ADHFE1: variants seen among roughly 807,000 people sequenced by gnomAD.
The protein encoded by ADHFE1 is alcohol dehydrogenase iron containing 1.
ADHFE1 carries 37 observed loss-of-function variants against 54.8 expected under a neutral mutation model. The observed-to-expected ratio is 0.68, with a 90% CI of 0.52 to 0.89. The LOEUF is 0.89. ADHFE1 is among the 40% of genes least tolerant of loss of function. ADHFE1 has a pLI of 0.00. For missense variants in ADHFE1, 601 were observed against 591.2 expected (o/e 1.02, Z -0.17); for synonymous variants, 203 against 229.3 (o/e 0.89, Z 1.04).
At chr8:66,437,534 A>T (rs866780646) in intron 1 of ADHFE1, among the ~76,000 whole-genome samples, 3 of 148,282 alleles carry the variant, frequency 2.0e-5, no homozygotes, top group Non-Finnish European at 4.5e-5. Context: ...GGGAACCCAC[A>T]GCCTGCCCCC....
rs1806449105 is a variant in ADHFE1, at chr8:66,454,078, G to T, written c.907G>T (p.Asp303Tyr). The change falls in exon 10 of 14, where the codon GAT (aspartate) becomes TAT (tyrosine). Residue 303 changes from aspartate (D) to tyrosine (Y), a missense_variant. Coordinates refer to ENST00000396623, the MANE Select transcript of ADHFE1 (RefSeq NM_144650.3). ...TCACAGGGCTGTCAGAAATCCCGAT[G>T]ATCTTGAAGCAAGGTCTCATATGCA... is the stretch of plus-strand genomic sequence containing the variant. ...YLKRAVRNPDDLEARSHMHLA... is the reference protein window; with the variant it reads ...YLKRAVRNPDYLEARSHMHLA... 6.2e-7 allele frequency: 1 copy of T among 1,613,918 alleles called. No homozygotes were observed. The highest frequency in any genetic ancestry group is 1.1e-5 in the South Asian group (1 of 91,036).
intron 2 of ADHFE1, among the ~76,000 whole-genome samples, chr8:66,442,454 G>A (rs1033643881): frequency 2.5e-4 from 38 of 151,802 alleles, no homozygotes; most frequent in African/African-American, 7.8e-4. Flanking sequence ...CGGACTACAG[G>A]CGCTCGCCAC....
At chr8:66,460,146 C>T in intron 12 of ADHFE1, 162 bp from the exon 13 acceptor site, 1 of 832,836 alleles carries the variant, frequency 1.2e-6, no homozygotes, top group African/African-American at 1.7e-5. Flanking sequence ...GTGAGCTCCC[C>T]CAGCCAACTT....
At chr8:66,456,684 C>G (rs1196374260) in intron 10 of ADHFE1, 133 bp from the exon 11 acceptor site, 1 of 621,012 alleles carries the variant, frequency 1.6e-6, no homozygotes, top group African/African-American at 1.9e-5. Flanking sequence ...TCCAAGAAAA[C>G]AGAACATATC....
intron 1 of ADHFE1, among the ~76,000 whole-genome samples, chr8:66,435,690 A>G (rs1026714254): frequency 2.2e-5 from 3 of 138,432 alleles, no homozygotes; most frequent in Non-Finnish European, 4.5e-5. Context: ...GGCTCACTGC[A>G]ATCTCGAATT....
chr8:66,464,534 C>A (rs1331954589), intron 13 of ADHFE1, among the ~76,000 whole-genome samples: 2 of 152,088 alleles, frequency 1.3e-5, no homozygotes, highest in African/African-American at 4.8e-5. Context: ...ATAATGAGAC[C>A]CTCTGCCTTG....
chr8:66,462,191 T>C (rs1442480893), intron 13 of ADHFE1, among the ~76,000 whole-genome samples: 1 of 152,186 alleles, frequency 6.6e-6, no homozygotes, highest in Non-Finnish European at 1.5e-5. Flanking sequence ...TTGAAAAGTT[T>C]CCTTAGACTG....
At chr8:66,451,057 G>A (rs1249279395) in intron 8 of ADHFE1, among the ~76,000 whole-genome samples, 1 of 152,184 alleles carries the variant, frequency 6.6e-6, no homozygotes, top group Admixed American at 6.5e-5. Flanking sequence ...CCCCCATGGG[G>A]AATTATACTG....
intron 5 of ADHFE1, 45 bp downstream of exon 5, chr8:66,444,793 C>A: frequency 6.2e-7 from 1 of 1,606,228 alleles, no homozygotes. Flanking sequence ...TAAGCAGAAG[C>A]TAACTGTTGA....
intron 1 of ADHFE1, 34 bp downstream of exon 1, chr8:66,432,609 G>T (rs770228700): frequency 3.9e-6 from 5 of 1,286,946 alleles, no homozygotes; most frequent in Admixed American, 8.1e-5. Flanking sequence ...GCAGGGGACC[G>T]CAGGGTGCCC....
rs1482420197 is a variant in ADHFE1 at position 66,453,072 on chromosome 8, G to A, written c.887+967G>A. Among the ~76,000 whole-genome samples, 4 of 152,230 alleles carry A rather than the reference G, an allele frequency of 2.6e-5. No homozygotes were observed. In the South Asian group the frequency reaches 6.2e-4, roughly 24 times the overall value. On this transcript the variant is annotated intron_variant, in intron 9 of 13. Transcript: ENST00000396623. ...AGGTTTGTGGGGGACTCCCAGGACA[G>A]CACAGCAGCACTTGACTAGATCCAA...
chr8:66,445,110 A>C (rs960075795), intron 5 of ADHFE1, 108 bp from the exon 6 acceptor site: 5 of 1,143,746 alleles, frequency 4.4e-6, no homozygotes, highest in Non-Finnish European at 6.0e-6. Flanking sequence ...CAAAAAAAAA[A>C]CAAAAACAAA....
chr8:66,453,866 A>C (rs1484662612), intron 9 of ADHFE1, 193 bp from the exon 10 acceptor site: 1 of 1,506,798 alleles, frequency 6.6e-7, no homozygotes, highest in Admixed American at 2.1e-5. Context: ...TTGCTGAAAC[A>C]GTTGATGAGA....
chr8:66,450,685 C>A (rs1207744532), intron 8 of ADHFE1, among the ~76,000 whole-genome samples: 1 of 152,242 alleles, frequency 6.6e-6, no homozygotes, highest in Admixed American at 6.5e-5. Flanking sequence ...GAGTCCACCC[C>A]TGAGAAACAA....
At chr8:66,436,653 C>T (rs770029907) in intron 1 of ADHFE1, among the ~76,000 whole-genome samples, 5 of 152,000 alleles carry the variant, frequency 3.3e-5, no homozygotes, top group African/African-American at 7.3e-5. Context: ...ACCTGGACTT[C>T]GGGAGAGATG....
chr8:66,438,817 C>T lies in ADHFE1; in HGVS notation c.60-1345C>T, dbSNP rs577546066. Among the ~76,000 whole-genome samples, 84 of 150,092 alleles carry T rather than the reference C, an allele frequency of 5.6e-4. 1 individual carries two copies. The highest frequency in any genetic ancestry group is 2.0e-3 in the African/African-American group (81 of 40,742). Reference sequence around the variant, plus strand: ...GCAAGAGGGGACAGGATACAAACCACAAGTAAGAAGTAGAAATAATGAATT... The same window carrying T: ...GCAAGAGGGGACAGGATACAAACCATAAGTAAGAAGTAGAAATAATGAATT... On this transcript the variant is annotated intron_variant, in intron 1 of 13. Coordinates refer to ENST00000396623, the MANE Select transcript of ADHFE1 (RefSeq NM_144650.3).
intron 2 of ADHFE1, among the ~76,000 whole-genome samples, chr8:66,440,654 T>C (rs1375232796): frequency 2.0e-5 from 3 of 152,220 alleles, no homozygotes; most frequent in Admixed American, 1.3e-4. Context: ...TAAAATAATA[T>C]TGTATTTCCT....
intron 13 of ADHFE1, among the ~76,000 whole-genome samples, chr8:66,461,564 C>T (rs1007901097): frequency 1.1e-4 from 17 of 151,932 alleles, no homozygotes; most frequent in African/African-American, 4.1e-4. Context: ...TCCACAGGAG[C>T]CAGGTAGAGA....
intron 1 of ADHFE1, among the ~76,000 whole-genome samples, chr8:66,433,894 T>G (rs549669363): frequency 2.0e-5 from 3 of 147,610 alleles, no homozygotes; most frequent in African/African-American, 5.4e-5. Flanking sequence ...TGTGTCATCA[T>G]AGAACTCTTT....
Sources: gnomAD v4.1 joint callset for allele counts (sites outside exome capture counted in the v4.1 genomes callset) on GRCh38, gnomAD v4.1.1 for gene constraint, MANE v1.5 for transcripts, NCBI Gene and HGNC (gene_info 2026-07-23, HGNC 2026-07-21) for gene names.